The following CDH12 variants were observed in gnomAD, a reference collection of about 807,000 sequenced individuals.
The protein encoded by CDH12 is cadherin 12.
Under a neutral mutation model 74.1 loss-of-function variants are expected in CDH12, and 41 were observed. The observed-to-expected ratio is 0.55, with a 90% CI of 0.43 to 0.72. The LOEUF is 0.72. CDH12 is among the 30% of genes least tolerant of loss of function. The probability of loss-of-function intolerance (pLI) is 0.00; values close to 1 mark genes in which losing one functional copy is unlikely to be tolerated. For synonymous variants in CDH12, 399 were observed against 355.0 expected, an observed-to-expected ratio of 1.12 and a Z score of -1.39; for missense variants, 945 against 977.2, an observed-to-expected ratio of 0.97 and a Z score of 0.44.
intron 1 of CDH12, among the ~76,000 whole-genome samples, chr5:22,825,464 T>C (rs1405240173): frequency 6.6e-6 from 1 of 152,034 alleles, no homozygotes; most frequent in East Asian, 1.9e-4. Context: ...CAAGCAAATA[T>C]CTGATAAAAA....
In CDH12 at chr5:22,827,047, T is replaced by C. The variant is rs1384959735; in HGVS notation, c.-523+26011A>G. 1.3e-5 allele frequency among the ~76,000 whole-genome samples: 2 copies of C among 152,194 alleles called. 1 individual carries two copies. The highest frequency in any genetic ancestry group is 4.8e-5 in the African/African-American group (2 of 41,468). On this transcript the variant is annotated intron_variant, in intron 1 of 14. Coordinates refer to ENST00000382254, the MANE Select transcript of CDH12 (RefSeq NM_004061.5). ...AGACCTTTGCAGCAGCCCCTCCCGTTACAGGCCCACAGGTTTAAGAAAAAA... is the reference window on the plus strand; with the variant it reads ...AGACCTTTGCAGCAGCCCCTCCCGTCACAGGCCCACAGGTTTAAGAAAAAA...
chr5:21,820,090 G>A (rs1448057793), intron 8 of CDH12, among the ~76,000 whole-genome samples: 4 of 151,714 alleles, frequency 2.6e-5, no homozygotes, highest in Admixed American at 6.6e-5. Context: ...CCAATATGGG[G>A]GAAAAAAAAT....
chr5:22,532,680 T>C (rs1382610719), intron 1 of CDH12, among the ~76,000 whole-genome samples: 1 of 151,838 alleles, frequency 6.6e-6, no homozygotes, highest in African/African-American at 2.4e-5. Flanking sequence ...GACTTTTGGT[T>C]AACAAAGTCT....
chr5:21,759,813 T>A, intron 13 of CDH12, among the ~76,000 whole-genome samples: 1 of 152,048 alleles, frequency 6.6e-6, no homozygotes, highest in East Asian at 1.9e-4. Context: ...AATAGTTATC[T>A]TTTCTGCTCC....
rs138867369 is a variant in CDH12, at chr5:22,574,345, A to G, written c.-522-68981T>C. On this transcript the variant is annotated intron_variant, in intron 1 of 14. Coordinates refer to ENST00000382254, the MANE Select transcript of CDH12 (RefSeq NM_004061.5). Reference sequence around the variant, plus strand: ...GTATTTCTTAAACCTCTTATCTAAAATTCATCACCGTCTTCAATTTCAGCA... The same window carrying G: ...GTATTTCTTAAACCTCTTATCTAAAGTTCATCACCGTCTTCAATTTCAGCA... 5.6e-3 allele frequency among the ~76,000 whole-genome samples: 854 copies of G among 151,940 alleles called. 8 individuals are homozygous for G. The highest frequency in any genetic ancestry group is 6.8e-3 in the Middle Eastern group (2 of 294).
At chr5:22,090,298 T>C (rs1009911946) in intron 4 of CDH12, among the ~76,000 whole-genome samples, 1 of 151,824 alleles carries the variant, frequency 6.6e-6, no homozygotes, top group African/African-American at 2.4e-5. Context: ...AATGGACACA[T>C]TTTTAGAAAG....
intron 2 of CDH12, among the ~76,000 whole-genome samples, chr5:22,458,834 A>ATGCTTTG (rs1219573811): frequency 7.2e-5 from 11 of 152,178 alleles, no homozygotes; most frequent in African/African-American, 2.7e-4. Context: ...ATAGTTAATC[A>ATGCTTTG]TGCTTTGTGT....
intron 6 of CDH12, among the ~76,000 whole-genome samples, chr5:21,950,757 T>TTTTTTTATTA (rs369699094): frequency 1.5e-5 from 2 of 136,988 alleles, no homozygotes; most frequent in Non-Finnish European, 3.1e-5. Context: ...TAAATTTTAT[T>TTTTTTTATTA]TTATTATTAT....
At chr5:22,745,357 C>A (rs565897008) in intron 1 of CDH12, among the ~76,000 whole-genome samples, 14 of 152,084 alleles carry the variant, frequency 9.2e-5, no homozygotes, top group South Asian at 6.2e-4. Flanking sequence ...TACTTAGGAA[C>A]ATTGAAGTTA....
intron 2 of CDH12, among the ~76,000 whole-genome samples, chr5:22,431,575 C>T (rs1030612298): frequency 3.3e-5 from 5 of 152,158 alleles, no homozygotes; most frequent in South Asian, 2.1e-4. Context: ...GTTTACACAA[C>T]GTCAGGCAGG....
Position 22,411,391 on chromosome 5 carries a change from T to A in CDH12, c.-427-6040A>T, listed in dbSNP as rs549974222. 2.0e-5 allele frequency among the ~76,000 whole-genome samples: 3 copies of A among 152,068 alleles called. No homozygotes were observed. The South Asian group carries it at 6.2e-4, about 32-fold the overall frequency. Reference sequence around the variant, plus strand: ...CCTGAAGTCATTTACTTAAATAGTATGATTAGTAAATGGTAGGAAAGAGGT... The same window carrying A: ...CCTGAAGTCATTTACTTAAATAGTAAGATTAGTAAATGGTAGGAAAGAGGT... On this transcript the variant is annotated intron_variant, in intron 2 of 14. Transcript: ENST00000382254.
At chr5:21,780,915 G>A (rs556949037) in intron 11 of CDH12, among the ~76,000 whole-genome samples, 125 of 152,290 alleles carry the variant, frequency 8.2e-4, no homozygotes, top group Non-Finnish European at 1.6e-3. Context: ...ATAGAATGTG[G>A]TATGGGAGGG....
intron 1 of CDH12, among the ~76,000 whole-genome samples, chr5:22,774,464 A>G (rs1362991022): frequency 6.6e-6 from 1 of 151,976 alleles, no homozygotes; most frequent in African/African-American, 2.4e-5. Context: ...CCCCACCTAA[A>G]TCTCATCTTG....
chr5:21,905,091 A>G (rs749825791), intron 6 of CDH12, among the ~76,000 whole-genome samples: 14 of 152,192 alleles, frequency 9.2e-5, no homozygotes, highest in Non-Finnish European at 1.6e-4. Flanking sequence ...CTTTAGGGAT[A>G]GATGGTAAAT....
chr5:22,848,665 G>T (rs538444911), intron 1 of CDH12, among the ~76,000 whole-genome samples: 3 of 152,146 alleles, frequency 2.0e-5, no homozygotes, highest in East Asian at 3.9e-4. Flanking sequence ...TGGTGATTTT[G>T]TTTGTTTGAA....
intron 6 of CDH12, among the ~76,000 whole-genome samples, chr5:21,965,410 A>T (rs193190160): frequency 0.013 from 2,026 of 152,122 alleles, 22 homozygotes; most frequent in Non-Finnish European, 0.02. Flanking sequence ...ATATTTTGGC[A>T]TTTTCTTGTC....
intron 5 of CDH12, among the ~76,000 whole-genome samples, chr5:22,059,291 CT>C (rs1484921083): frequency 1.4e-5 from 2 of 143,256 alleles, no homozygotes; most frequent in Non-Finnish European, 3.1e-5. Context: ...ATCTATCTAT[CT>C]ATCATCTATC....
At chr5:22,730,671 C>T (rs535539443) in intron 1 of CDH12, among the ~76,000 whole-genome samples, 1 of 151,844 alleles carries the variant, frequency 6.6e-6, no homozygotes, top group Admixed American at 6.6e-5. Flanking sequence ...CCTTTGTTCA[C>T]ATTGAAGTTG....
In CDH12 at chr5:21,751,606, C is replaced by CAGAAAG. The variant is rs11270041; in HGVS notation, c.*130_*131insCTTTCT. 1.2e-5 allele frequency: 7 copies of CAGAAAG among 599,808 alleles called. No homozygotes were observed. Among genetic ancestry groups the CAGAAAG allele is most frequent in the African/African-American group, 4.4e-5 (2 of 45,392 alleles). The allele number at this position is 599,808 out of a possible 1,614,324, so 37.2% of individuals were successfully genotyped here. The stretch of plus-strand genomic sequence containing the variant: ...CCAGGTAATCAAAGGAATCTTGTCC[C>CAGAAAG]AGAGTGTGTGTGTGTGTGTGTGTGT... On this transcript the variant is annotated 3_prime_UTR_variant, in exon 15 of 15. Transcript: ENST00000382254.
Sources: gnomAD v4.1 joint callset for allele counts (sites outside exome capture counted in the v4.1 genomes callset) on GRCh38, gnomAD v4.1.1 for gene constraint, MANE v1.5 for transcripts, NCBI Gene and HGNC (gene_info 2026-07-23, HGNC 2026-07-21) for gene names.